The following CCDC146 variants were observed in gnomAD, a reference collection of about 807,000 sequenced individuals.
CCDC146 encodes the protein coiled-coil domain containing 146, also known as coiled-coil domain-containing protein 146.
CCDC146 carries 92 observed loss-of-function variants against 119.3 expected under a neutral mutation model. The ratio of observed to expected loss-of-function variants is 0.77; its 90% confidence interval spans 0.65 to 0.92. The LOEUF (loss-of-function observed/expected upper bound fraction) is 0.92. Ranked by LOEUF, CCDC146 falls within the 40% of genes least tolerant of loss-of-function variation. CCDC146 has a pLI of 0.00. For synonymous variants in CCDC146, 372 were observed against 371.8 expected (o/e 1.00, Z -0.01); for missense variants, 1,000 against 1,103.0 (o/e 0.91, Z 1.32).
intron 3 of CCDC146, among the ~76,000 whole-genome samples, chr7:77,237,873 C>T (rs950758219): frequency 1.3e-5 from 2 of 152,142 alleles, no homozygotes; most frequent in Non-Finnish European, 2.9e-5. Flanking sequence ...CTCTTTCTTT[C>T]CTTCCCCCAC....
chr7:77,175,500 G>A (rs1034504681), intron 2 of CCDC146, among the ~76,000 whole-genome samples: 1 of 150,530 alleles, frequency 6.6e-6, no homozygotes, highest in Non-Finnish European at 1.5e-5. Flanking sequence ...ATCATCATGG[G>A]CAATGATGAA....
intron 1 of CCDC146, among the ~76,000 whole-genome samples, chr7:77,151,709 G>A (rs1423755001): frequency 6.6e-6 from 1 of 152,094 alleles, no homozygotes; most frequent in Non-Finnish European, 1.5e-5. Context: ...TCATTAGGTA[G>A]CACCGTGGTT....
chr7:77,199,671 C>T (rs1366917974), intron 2 of CCDC146: 1 of 1,614,200 alleles, frequency 6.2e-7, no homozygotes, highest in African/African-American at 1.3e-5. Context: ...TTTCTAGTCT[C>T]ACTGGGCAGA....
At chr7:77,231,528 T>TCTA (rs1013981869) in intron 2 of CCDC146, among the ~76,000 whole-genome samples, 11 of 152,198 alleles carry the variant, frequency 7.2e-5, no homozygotes, top group African/African-American at 2.4e-4. Context: ...TACTGCCTTC[T>TCTA]CTACTGATCT....
Position 77,295,015 on chromosome 7 carries a change from T to C in CCDC146, c.*149T>C. ...CAGCAACAGAGTACAACAGGGTTTC[T>C]ATTTACCCACCAACTACTATACCTT... On this transcript the variant is annotated 3_prime_UTR_variant, in exon 19 of 19. Transcript: ENST00000285871. 1 of 641,018 alleles carries C rather than the reference T, an allele frequency of 1.6e-6. No homozygotes were observed. Among genetic ancestry groups the C allele is most frequent in the South Asian group, 2.0e-5 (1 of 50,810 alleles). 39.7% of individuals were successfully genotyped at this position (641,018 alleles called of 1,614,324 possible).
At chr7:77,224,158 A>C (rs1792459197) in intron 2 of CCDC146, among the ~76,000 whole-genome samples, 1 of 152,250 alleles carries the variant, frequency 6.6e-6, no homozygotes, top group Non-Finnish European at 1.5e-5. Context: ...ACACAAATTT[A>C]TCATCTAATA....
chr7:77,143,472 T>A (rs1790967704), intron 1 of CCDC146, among the ~76,000 whole-genome samples: 1 of 151,980 alleles, frequency 6.6e-6, no homozygotes, highest in African/African-American at 2.4e-5. Flanking sequence ...TTTGGTGTTT[T>A]AGACATGAAG....
chr7:77,285,072 T>A (rs989795355), intron 15 of CCDC146, among the ~76,000 whole-genome samples: 2 of 152,176 alleles, frequency 1.3e-5, no homozygotes, highest in African/African-American at 4.8e-5. Flanking sequence ...TAACAGTTTT[T>A]AATTGTCCAA....
intron 17 of CCDC146, among the ~76,000 whole-genome samples, chr7:77,289,559 G>T (rs1793906842): frequency 6.6e-6 from 1 of 152,220 alleles, no homozygotes; most frequent in Non-Finnish European, 1.5e-5. Context: ...ATGGATAAAT[G>T]ATCTTAAAAC....
chr7:77,265,044 A>C (rs1793374843), intron 9 of CCDC146, among the ~76,000 whole-genome samples: 3 of 152,132 alleles, frequency 2.0e-5, no homozygotes. Flanking sequence ...CCAACTTTCC[A>C]AGTTATTCTT....
intron 17 of CCDC146, among the ~76,000 whole-genome samples, chr7:77,291,396 G>A (rs1248947641): frequency 6.8e-6 from 1 of 146,994 alleles, no homozygotes; most frequent in Non-Finnish European, 1.5e-5. Context: ...CTAAATAGCT[G>A]ATATTAATAG....
intron 1 of CCDC146, among the ~76,000 whole-genome samples, chr7:77,129,258 C>T (rs183714581): frequency 6.6e-6 from 1 of 152,248 alleles, no homozygotes; most frequent in African/African-American, 2.4e-5. Context: ...AATTGTCACT[C>T]AGTAGCTTAG....
intron 4 of CCDC146, among the ~76,000 whole-genome samples, chr7:77,243,963 C>G (rs1792897790): frequency 2.0e-5 from 3 of 152,136 alleles, no homozygotes; most frequent in Admixed American, 2.0e-4. Context: ...ACTGCAACCT[C>G]CACTTGCTGG....
chr7:77,213,096 G>T (rs1792220586), intron 2 of CCDC146, among the ~76,000 whole-genome samples: 2 of 151,584 alleles, frequency 1.3e-5, no homozygotes, highest in South Asian at 4.2e-4. Flanking sequence ...TTGTGTGGTG[G>T]TGGTGGTGGT....
intron 2 of CCDC146, among the ~76,000 whole-genome samples, chr7:77,233,669 T>C (rs1297903677): frequency 1.3e-5 from 2 of 152,104 alleles, no homozygotes; most frequent in South Asian, 2.1e-4. Flanking sequence ...CACATGCGCA[T>C]TTCACAATGG....
chr7:77,253,748 A>G (rs373519620), intron 4 of CCDC146, among the ~76,000 whole-genome samples: 1 of 152,228 alleles, frequency 6.6e-6, no homozygotes, highest in Non-Finnish European at 1.5e-5. Flanking sequence ...TTTGAGGACT[A>G]TTGGTACTGT....
intron 2 of CCDC146, among the ~76,000 whole-genome samples, chr7:77,215,519 G>A (rs1399828118): frequency 6.6e-6 from 1 of 152,078 alleles, no homozygotes. Context: ...ACTCATTGCT[G>A]CTAGGTTAAT....
intron 2 of CCDC146, among the ~76,000 whole-genome samples, chr7:77,185,081 A>G (rs1228771382): frequency 2.0e-5 from 3 of 151,996 alleles, no homozygotes; most frequent in Non-Finnish European, 4.4e-5. Context: ...TAGATAACAG[A>G]GGCTTTTTTT....
intron 2 of CCDC146, among the ~76,000 whole-genome samples, chr7:77,236,536 G>A (rs951121109): frequency 6.6e-6 from 1 of 152,120 alleles, no homozygotes; most frequent in Non-Finnish European, 1.5e-5. Flanking sequence ...ACATTTTTAA[G>A]AATGAAATAA....
Sources: gnomAD v4.1 joint callset for allele counts (sites outside exome capture counted in the v4.1 genomes callset) on GRCh38, gnomAD v4.1.1 for gene constraint, MANE v1.5 for transcripts, NCBI Gene and HGNC (gene_info 2026-07-23, HGNC 2026-07-21) for gene names.